The following KCNIP4 variants were observed in gnomAD, a reference collection of about 807,000 sequenced individuals.
The protein encoded by KCNIP4 is potassium voltage-gated channel interacting protein 4.
Under a neutral mutation model 34.0 loss-of-function variants are expected in KCNIP4, and 12 were observed. That is an observed-to-expected ratio of 0.35 (90% CI 0.23 to 0.57). KCNIP4 has a LOEUF of 0.57. Among genes scored for constraint, KCNIP4 ranks in the 20% least tolerant of loss-of-function variants. The pLI is 0.83. For missense variants in KCNIP4, 238 were observed against 311.7 expected (o/e 0.76, Z 1.78); for synonymous variants, 124 against 102.2 (o/e 1.21, Z -1.29).
At chr4:20,801,568 G>A (rs1389297845) in intron 3 of KCNIP4, among the ~76,000 whole-genome samples, 4 of 152,090 alleles carry the variant, frequency 2.6e-5, no homozygotes, top group African/African-American at 9.6e-5. Context: ...GAGAGTAAAA[G>A]TCTAGAGTTT....
rs188094361 is a variant in KCNIP4 at position 20,910,317 on chromosome 4, G to A, written c.62-27608C>T. Among the ~76,000 whole-genome samples, 12 of 152,048 alleles carry A rather than the reference G, an allele frequency of 7.9e-5. No homozygotes were observed. The East Asian group carries it at 2.3e-3, about 29-fold the overall frequency. ...TGTGTGTGTGTATCTGTTACTTGAAGGGGAGGAAGCTTTTAATAATAATGT... is the reference window on the plus strand; with the variant it reads ...TGTGTGTGTGTATCTGTTACTTGAAAGGGAGGAAGCTTTTAATAATAATGT... On this transcript the variant is annotated intron_variant, in intron 1 of 8. Coordinates refer to ENST00000382152, the MANE Select transcript of KCNIP4 (RefSeq NM_025221.6).
intron 1 of KCNIP4, among the ~76,000 whole-genome samples, chr4:20,885,660 T>A (rs1202037305): frequency 6.6e-6 from 1 of 152,164 alleles, no homozygotes; most frequent in African/African-American, 2.4e-5. Context: ...ATCAGCTCTA[T>A]CTGGGCAGCA....
chr4:21,413,958 C>T (rs1358558445), intron 1 of KCNIP4, among the ~76,000 whole-genome samples: 2 of 152,182 alleles, frequency 1.3e-5, no homozygotes, highest in African/African-American at 4.8e-5. Context: ...GCAGAATAGA[C>T]CATTTTTATG....
intron 1 of KCNIP4, among the ~76,000 whole-genome samples, chr4:20,926,330 T>C (rs988962235): frequency 6.6e-6 from 1 of 152,204 alleles, no homozygotes; most frequent in Non-Finnish European, 1.5e-5. Context: ...GGTGCAGGAA[T>C]AGAATGCAAC....
In KCNIP4 at chr4:21,139,344, A is replaced by T. The variant is rs76058487; in HGVS notation, c.62-256635T>A. 7.2e-3 allele frequency among the ~76,000 whole-genome samples: 1,103 copies of T among 152,356 alleles called. 11 individuals are homozygous for T. Among genetic ancestry groups the T allele is most frequent in the African/African-American group, 0.024 (1,000 of 41,570 alleles). On this transcript the variant is annotated intron_variant, in intron 1 of 8. Coordinates refer to ENST00000382152, the MANE Select transcript of KCNIP4 (RefSeq NM_025221.6). ...AGTAAGCACCTCTTTCAGTTTTATTATATCAGTCAGAAGTACTTCAGGTAA... is the reference window on the plus strand; with the variant it reads ...AGTAAGCACCTCTTTCAGTTTTATTTTATCAGTCAGAAGTACTTCAGGTAA...
chr4:21,332,657 C>A (rs1422755627), intron 1 of KCNIP4, among the ~76,000 whole-genome samples: 1 of 151,922 alleles, frequency 6.6e-6, no homozygotes, highest in Non-Finnish European at 1.5e-5. Context: ...CTGTCTTCAT[C>A]CCAAATAGAT....
At chr4:21,680,479 G>T (rs912972974) in intron 1 of KCNIP4, among the ~76,000 whole-genome samples, 5 of 152,170 alleles carry the variant, frequency 3.3e-5, no homozygotes, top group African/African-American at 1.2e-4. Flanking sequence ...CATGAATCAT[G>T]AATGTTCTTA....
At chr4:21,097,406 C>G (rs780317681) in intron 1 of KCNIP4, among the ~76,000 whole-genome samples, 1 of 152,084 alleles carries the variant, frequency 6.6e-6, no homozygotes, top group East Asian at 1.9e-4. Context: ...TTGCAGATAC[C>G]ACATTTTTTT....
intron 1 of KCNIP4, among the ~76,000 whole-genome samples, chr4:21,676,306 T>A (rs538142260): frequency 6.6e-6 from 1 of 152,342 alleles, no homozygotes; most frequent in South Asian, 2.1e-4. Flanking sequence ...CCTAACATGA[T>A]AACCTCAATA....
intron 1 of KCNIP4, among the ~76,000 whole-genome samples, chr4:21,422,811 C>T (rs2322963): frequency 0.29 from 43,477 of 151,824 alleles, 7,152 homozygotes; most frequent in Non-Finnish European, 0.38. Flanking sequence ...AGTTTACAAA[C>T]TGAGAAGCCT....
intron 2 of KCNIP4, among the ~76,000 whole-genome samples, chr4:20,870,962 C>T (rs905089159): frequency 3.9e-5 from 6 of 152,166 alleles, no homozygotes; most frequent in Admixed American, 2.6e-4. Context: ...ATTCACACAC[C>T]CTGTGCACTT....
At chr4:21,824,906 T>C (rs1722582683) in intron 1 of KCNIP4, among the ~76,000 whole-genome samples, 1 of 152,122 alleles carries the variant, frequency 6.6e-6, no homozygotes, top group Admixed American at 6.6e-5. Context: ...AGCTGACTGC[T>C]AGTGAGGCCC....
At chr4:21,791,721 A>G (rs1720293232) in intron 1 of KCNIP4, among the ~76,000 whole-genome samples, 1 of 151,940 alleles carries the variant, frequency 6.6e-6, no homozygotes, top group Non-Finnish European at 1.5e-5. Flanking sequence ...AGCAAACAAT[A>G]ATAAGAACTA....
chr4:21,361,880 A>G (rs1375705333), intron 1 of KCNIP4, among the ~76,000 whole-genome samples: 1 of 152,112 alleles, frequency 6.6e-6, no homozygotes, highest in East Asian at 1.9e-4. Context: ...AGGAATTTAT[A>G]CTGTCCTTCA....
intron 1 of KCNIP4, among the ~76,000 whole-genome samples, chr4:21,695,917 T>G (rs1464307279): frequency 2.6e-5 from 4 of 151,570 alleles, no homozygotes; most frequent in Non-Finnish European, 5.9e-5. Flanking sequence ...CTTGAATGTT[T>G]AAAGCTAATA....
intron 1 of KCNIP4, among the ~76,000 whole-genome samples, chr4:21,915,398 A>C (rs1369682229): frequency 6.6e-6 from 1 of 152,204 alleles, no homozygotes; most frequent in East Asian, 1.9e-4. Flanking sequence ...TTTGTCTACA[A>C]AACTCATCCA....
At chr4:21,661,632 G>T (rs1748461423) in intron 1 of KCNIP4, among the ~76,000 whole-genome samples, 1 of 152,152 alleles carries the variant, frequency 6.6e-6, no homozygotes, top group Admixed American at 6.5e-5. Flanking sequence ...AGAACACTGT[G>T]GCTCAGAGTG....
rs557957191 is a variant in KCNIP4 at position 21,157,809 on chromosome 4, G to A, written c.62-275100C>T. Among the ~76,000 whole-genome samples, 211 of 151,860 alleles carry A rather than the reference G, an allele frequency of 1.4e-3. 2 individuals carry two copies. The highest frequency in any genetic ancestry group is 4.6e-3 in the African/African-American group (191 of 41,438). On this transcript the variant is annotated intron_variant, in intron 1 of 8. Transcript: ENST00000382152. The stretch of plus-strand genomic sequence containing the variant: ...GAAGAGTAAATTAAATCCCCTGTAA[G>A]CAAAAGGTAATGATATTAATCAGAG...
chr4:21,285,511 A>G (rs1255655840), intron 1 of KCNIP4, among the ~76,000 whole-genome samples: 1 of 152,120 alleles, frequency 6.6e-6, no homozygotes, highest in Non-Finnish European at 1.5e-5. Flanking sequence ...CCAAAGGAAA[A>G]CAATGCCATG....
Sources: allele counts gnomAD v4.1 joint callset (sites outside exome capture counted in the v4.1 genomes callset), GRCh38; gene constraint gnomAD v4.1.1; transcripts MANE v1.5; gene names NCBI Gene and HGNC (gene_info 2026-07-23, HGNC 2026-07-21).